Variants in FAAH2 observed in about 807,000 individuals in gnomAD.
The protein encoded by FAAH2 is fatty-acid amide hydrolase 2.
In FAAH2, 60 loss-of-function variants were observed where a neutral mutation model predicts 36.9. The ratio of observed to expected loss-of-function variants is 1.63; its 90% CI spans 1.32 to 2.02. The LOEUF (loss-of-function observed/expected upper bound fraction) is 2.02. Ranked by LOEUF, FAAH2 falls within the 30% of genes most tolerant of loss-of-function variation. The probability of loss-of-function intolerance (pLI) is 0.00; values close to 1 mark genes in which losing one functional copy is unlikely to be tolerated. For synonymous variants in FAAH2, 214 were observed against 143.8 expected, an observed-to-expected ratio of 1.49 and a Z score of -3.49; for missense variants, 689 against 397.5, an observed-to-expected ratio of 1.73 and a Z score of -6.23.
intron 1 of FAAH2, among the ~76,000 whole-genome samples, chrX:57,288,756 T>C (rs1286299842): frequency 9.0e-6 from 1 of 111,518 alleles, no homozygotes; most frequent in Non-Finnish European, 1.9e-5. Flanking sequence ...AATGAATTCA[T>C]ATATGTAAAA....
At chrX:57,476,783 A>T (rs2057278153) in intron 10 of FAAH2, among the ~76,000 whole-genome samples, 1 of 110,578 alleles carries the variant, frequency 9.0e-6, no homozygotes, top group African/African-American at 3.3e-5. Flanking sequence ...CTTTGTATAT[A>T]TGGTAGAATT....
chrX:57,418,541 C>T (rs2055909299), intron 7 of FAAH2, among the ~76,000 whole-genome samples: 1 of 110,707 alleles, frequency 9.0e-6, no homozygotes, highest in Non-Finnish European at 1.9e-5. Context: ...TGCTTTGGCT[C>T]ATCCTCCATG....
the FAAH2 span, among the ~76,000 whole-genome samples, chrX:57,232,152 G>A: frequency 1.8e-5 from 2 of 111,850 alleles, no homozygotes; most frequent in Non-Finnish European, 3.8e-5. Context: ...GAAAGTGCTA[G>A]CCCCCTCAAG....
At chrX:57,446,418 T>G (rs1022307207) in intron 8 of FAAH2, among the ~76,000 whole-genome samples, 4 of 112,105 alleles carry the variant, frequency 3.6e-5, no homozygotes, top group Admixed American at 2.8e-4. Flanking sequence ...CTATAACAGG[T>G]TTGTTGAGGT....
the FAAH2 span, among the ~76,000 whole-genome samples, chrX:57,162,221 G>A: frequency 5.4e-5 from 6 of 111,937 alleles, no homozygotes; most frequent in South Asian, 3.7e-4. Flanking sequence ...GGTTTCTGCC[G>A]AGAGATCCGC....
At chrX:57,399,860 T>C (rs1261935055) in intron 7 of FAAH2, among the ~76,000 whole-genome samples, 1 of 112,106 alleles carries the variant, frequency 8.9e-6, no homozygotes, top group Non-Finnish European at 1.9e-5. Context: ...GGCTATTATT[T>C]CTGCCAGCTG....
the FAAH2 span, among the ~76,000 whole-genome samples, chrX:57,244,344 T>C: frequency 9.0e-6 from 1 of 111,080 alleles, no homozygotes; most frequent in Non-Finnish European, 1.9e-5. Flanking sequence ...CCAGGAGAAC[T>C]TCCCCAACCT....
intron 7 of FAAH2, among the ~76,000 whole-genome samples, chrX:57,399,913 A>G (rs917986922): frequency 7.1e-5 from 8 of 112,022 alleles, no homozygotes; most frequent in African/African-American, 1.9e-4. Context: ...CAAGTATTCC[A>G]TTATCACTGA....
At chrX:57,305,469 A>C (rs1372716840) in intron 2 of FAAH2, among the ~76,000 whole-genome samples, 1 of 111,171 alleles carries the variant, frequency 9.0e-6, no homozygotes. Flanking sequence ...TCTCTACCTC[A>C]ACTGCTGTCA....
the FAAH2 span, among the ~76,000 whole-genome samples, chrX:57,256,001 T>C: frequency 2.7e-5 from 3 of 112,038 alleles, no homozygotes; most frequent in Admixed American, 2.8e-4. Flanking sequence ...TGTTTGCAGA[T>C]GACATGATTG....
chrX:57,431,036 A>G (rs1216354225), intron 7 of FAAH2, among the ~76,000 whole-genome samples: 3 of 111,606 alleles, frequency 2.7e-5, no homozygotes, highest in Non-Finnish European at 5.7e-5. Flanking sequence ...AACTTTTTTT[A>G]GAGTATTTTC....
chrX:57,382,555 C>A lies in FAAH2; in HGVS notation c.996+1526C>A, dbSNP rs1300855240. On this transcript the variant is annotated intron_variant, in intron 7 of 10. Transcript: ENST00000374900. ...ACAGAATACTATAAACATCTCTATGCAAATAAACTAGAAAATCTAGAAGAA... is the reference window on the plus strand; with the variant it reads ...ACAGAATACTATAAACATCTCTATGAAAATAAACTAGAAAATCTAGAAGAA... Among the ~76,000 whole-genome samples the A allele has an allele frequency of 6.3e-5, 7 of 111,868 alleles. No homozygotes were observed. The East Asian group carries it at 1.4e-3, about 22-fold the overall frequency.
chrX:57,309,725 A>G (rs748168955), intron 2 of FAAH2, among the ~76,000 whole-genome samples: 1 of 111,044 alleles, frequency 9.0e-6, no homozygotes, highest in African/African-American at 3.3e-5. Context: ...CTATTCCTGC[A>G]TTAGTTTGCT....
At chrX:57,476,861 C>A (rs949985218) in intron 10 of FAAH2, among the ~76,000 whole-genome samples, 7 of 107,866 alleles carry the variant, frequency 6.5e-5, no homozygotes, top group Non-Finnish European at 1.3e-4. Context: ...TTTTTAATTA[C>A]TGCCTCAATT....
At chrX:57,391,023 G>C (rs2055153522) in intron 7 of FAAH2, among the ~76,000 whole-genome samples, 1 of 111,444 alleles carries the variant, frequency 9.0e-6, no homozygotes, top group Non-Finnish European at 1.9e-5. Flanking sequence ...ATTCTGACTG[G>C]TGTAAGATGG....
the FAAH2 span, among the ~76,000 whole-genome samples, chrX:57,173,064 G>A: frequency 9.0e-6 from 1 of 111,556 alleles, no homozygotes; most frequent in East Asian, 2.8e-4. Flanking sequence ...CCCCACTTCC[G>A]TATCACTTAA....
chrX:57,379,013 T>G lies in FAAH2; in HGVS notation c.878+227T>G, dbSNP rs1195752097. Among the ~76,000 whole-genome samples, 3 of 111,847 alleles carry G rather than the reference T, an allele frequency of 2.7e-5. No individual in the cohort carries two copies. In the Admixed American group the frequency reaches 2.9e-4, roughly 11 times the overall value. On this transcript the variant is annotated intron_variant, in intron 6 of 10. Transcript: ENST00000374900. ...AAAATACAAAGAGAGGCCTTATTTT[T>G]GGGAAGGAAACAGTGAATCTTTTTG...
chrX:57,348,349 G>A (rs1379908839), intron 5 of FAAH2, among the ~76,000 whole-genome samples: 1 of 110,922 alleles, frequency 9.0e-6, no homozygotes, highest in Admixed American at 9.7e-5. Flanking sequence ...ATAATGCTTG[G>A]GAACCAGAAG....
chrX:57,304,027 T>C (rs1348144874), intron 2 of FAAH2, among the ~76,000 whole-genome samples: 1 of 110,363 alleles, frequency 9.1e-6, no homozygotes. Context: ...GCCAAAATGG[T>C]GAAACCCCAT....
Sources: allele counts gnomAD v4.1 joint callset (sites outside exome capture counted in the v4.1 genomes callset), GRCh38; gene constraint gnomAD v4.1.1; transcripts MANE v1.5; gene names NCBI Gene and HGNC (gene_info 2026-07-23, HGNC 2026-07-21).